The following PRKG1 variants were observed in gnomAD, a reference collection of about 807,000 sequenced individuals.
PRKG1 encodes cGMP-dependent protein kinase 1.
In PRKG1, 35 loss-of-function variants were observed where a neutral mutation model predicts 88.1. That is an observed-to-expected ratio of 0.40 (90% CI 0.30 to 0.53). The LOEUF (loss-of-function observed/expected upper bound fraction) is 0.53. Ranked by LOEUF, PRKG1 falls within the 20% of genes least tolerant of loss-of-function variation. PRKG1 has a pLI of 0.59. For missense variants in PRKG1, 540 were observed against 839.8 expected (o/e 0.64, Z 4.41); for synonymous variants, 303 against 292.5 (o/e 1.04, Z -0.37).
At chr10:51,548,358 C>T (rs1564544692) in intron 3 of PRKG1, among the ~76,000 whole-genome samples, 1 of 152,068 alleles carries the variant, frequency 6.6e-6, no homozygotes, top group African/African-American at 2.4e-5. Flanking sequence ...TTATATCTGT[C>T]TAATATAGAT....
At chr10:51,867,828 C>A (rs1199384087) in intron 4 of PRKG1, among the ~76,000 whole-genome samples, 1 of 152,088 alleles carries the variant, frequency 6.6e-6, no homozygotes, top group Non-Finnish European at 1.5e-5. Context: ...TAATCAAGAT[C>A]TAAGATCTCT....
At chr10:52,049,578 G>A (rs1442960711) in intron 5 of PRKG1, among the ~76,000 whole-genome samples, 7 of 152,148 alleles carry the variant, frequency 4.6e-5, no homozygotes, top group Admixed American at 4.6e-4. Flanking sequence ...GAGAAAAATA[G>A]AGGGGATGGT....
chr10:51,026,126 A>G (rs1843201912), intron 1 of PRKG1, among the ~76,000 whole-genome samples: 1 of 152,150 alleles, frequency 6.6e-6, no homozygotes. Flanking sequence ...AGAAGCTAGG[A>G]GAGATGCATG....
intron 7 of PRKG1, among the ~76,000 whole-genome samples, chr10:52,093,447 A>G (rs1022960566): frequency 2.0e-5 from 3 of 152,204 alleles, no homozygotes; most frequent in Non-Finnish European, 2.9e-5. Flanking sequence ...ATGCAAAAGC[A>G]AATTGTTTTG....
intron 4 of PRKG1, among the ~76,000 whole-genome samples, chr10:51,890,693 C>T (rs12778212): frequency 0.23 from 35,033 of 152,154 alleles, 4,249 homozygotes; most frequent in Admixed American, 0.32. Flanking sequence ...CAGTGGCTCA[C>T]GCCTGTAATC....
chr10:51,440,679 T>C (rs1839076815), intron 2 of PRKG1, among the ~76,000 whole-genome samples: 2 of 151,980 alleles, frequency 1.3e-5, no homozygotes, highest in South Asian at 4.1e-4. Flanking sequence ...GTAACTTTAG[T>C]GTAGGGTGTT....
chr10:52,140,075 A>T (rs929067110), intron 8 of PRKG1, among the ~76,000 whole-genome samples: 41 of 152,186 alleles, frequency 2.7e-4, no homozygotes, highest in African/African-American at 9.9e-4. Flanking sequence ...ATTATTCAGC[A>T]TTTGATTTAG....
intron 3 of PRKG1, among the ~76,000 whole-genome samples, chr10:51,606,255 G>T (rs1424042373): frequency 6.6e-6 from 1 of 151,938 alleles, no homozygotes; most frequent in Non-Finnish European, 1.5e-5. Context: ...GACTAATTGG[G>T]TAACTAGCAA....
At chr10:52,039,912 G>T (rs1021420342) in intron 5 of PRKG1, among the ~76,000 whole-genome samples, 11 of 152,058 alleles carry the variant, frequency 7.2e-5, no homozygotes, top group Non-Finnish European at 1.3e-4. Flanking sequence ...TAAAAAAGGG[G>T]GCAAAATCCT....
At chr10:51,055,812 C>T (rs543603832) in intron 1 of PRKG1, among the ~76,000 whole-genome samples, 18 of 152,262 alleles carry the variant, frequency 1.2e-4, no homozygotes, top group Admixed American at 9.8e-4. Flanking sequence ...CTTCTTCCAG[C>T]CCCATGTGAC....
At chr10:51,421,677 A>C (rs914654811) in intron 2 of PRKG1, among the ~76,000 whole-genome samples, 1 of 152,172 alleles carries the variant, frequency 6.6e-6, no homozygotes, top group Non-Finnish European at 1.5e-5. Context: ...TCTCCAGAGC[A>C]TCATGTCATA....
chr10:51,678,490 T>C (rs931346334), intron 3 of PRKG1, among the ~76,000 whole-genome samples: 1 of 152,174 alleles, frequency 6.6e-6, no homozygotes, highest in Non-Finnish European at 1.5e-5. Flanking sequence ...AGCCCAGGAA[T>C]CCTTGTTTTT....
chr10:52,046,290 A>C (rs1177213128), intron 5 of PRKG1, among the ~76,000 whole-genome samples: 2 of 152,104 alleles, frequency 1.3e-5, no homozygotes, highest in Admixed American at 1.3e-4. Context: ...TGTAAAGTAC[A>C]TGCACTCATC....
chr10:51,337,721 A>T (rs1003965010), intron 2 of PRKG1, among the ~76,000 whole-genome samples: 2 of 152,196 alleles, frequency 1.3e-5, no homozygotes, highest in African/African-American at 4.8e-5. Context: ...TGCTGGTCAG[A>T]ACAATGATTA....
At chr10:51,173,004 T>C (rs1335027074) in intron 2 of PRKG1, among the ~76,000 whole-genome samples, 1 of 152,024 alleles carries the variant, frequency 6.6e-6, no homozygotes, top group East Asian at 1.9e-4. Flanking sequence ...GAATCTTACT[T>C]GAATGCCAAA....
intron 1 of PRKG1, among the ~76,000 whole-genome samples, chr10:51,053,800 G>C (rs1171378176): frequency 1.4e-5 from 2 of 144,358 alleles, no homozygotes; most frequent in Admixed American, 6.9e-5. Context: ...TTTAACTTTT[G>C]AATATATTGA....
At chr10:51,809,470 T>A (rs1002263378) in intron 4 of PRKG1, among the ~76,000 whole-genome samples, 3 of 152,198 alleles carry the variant, frequency 2.0e-5, no homozygotes, top group African/African-American at 7.2e-5. Context: ...TTGTGTTACT[T>A]TCTTCTGAGC....
At chr10:51,098,291 A>G (rs963865661) in intron 1 of PRKG1, among the ~76,000 whole-genome samples, 5 of 152,206 alleles carry the variant, frequency 3.3e-5, no homozygotes, top group African/African-American at 7.2e-5. Flanking sequence ...TCAAATATGT[A>G]TAGTACTGCT....
intron 2 of PRKG1, among the ~76,000 whole-genome samples, chr10:51,350,691 A>C (rs1376534356): frequency 1.3e-5 from 2 of 152,198 alleles, no homozygotes; most frequent in African/African-American, 4.8e-5. Context: ...AAGACTCTAC[A>C]AGAAAACTAT....
Sources: gnomAD v4.1 joint callset for allele counts (sites outside exome capture counted in the v4.1 genomes callset) on GRCh38, gnomAD v4.1.1 for gene constraint, MANE v1.5 for transcripts, NCBI Gene and HGNC (gene_info 2026-07-23, HGNC 2026-07-21) for gene names.